IL20RB: variants seen among roughly 807,000 people sequenced by gnomAD.
The protein encoded by IL20RB is interleukin-20 receptor subunit beta.
A neutral mutation model predicts 33.3 loss-of-function variants in IL20RB; 21 were observed. The observed-to-expected ratio is 0.63, with a 90% CI of 0.45 to 0.91. IL20RB has a LOEUF of 0.91. IL20RB is among the 40% of genes least tolerant of loss of function. The pLI, the probability that IL20RB is intolerant of heterozygous loss-of-function variation, is 0.00. For missense variants in IL20RB, 345 were observed against 384.8 expected (o/e 0.90, Z 0.86); for synonymous variants, 147 against 146.8 (o/e 1.00, Z -0.01).
At chr3:136,996,422 G>A (rs1942128713) in intron 6 of IL20RB, among the ~76,000 whole-genome samples, 1 of 152,164 alleles carries the variant, frequency 6.6e-6, no homozygotes, top group African/African-American at 2.4e-5. Flanking sequence ...CTGGGAAGAG[G>A]GAGCCAGTGT....
Position 136,989,514 on chromosome 3 carries a change from G to C in IL20RB, c.480G>C (p.Gly160=). The part of the protein sequence containing the change: ...FHLVIELEDL[G]PQFEFLVAYW... The stretch of plus-strand genomic sequence containing the variant: ...TGGTTATTGAGCTGGAGGACCTGGG[G>C]CCCCAGTTTGAGTTCCTTGTGGCCT... Residue 160 remains glycine, a synonymous_variant, in exon 4 of 7, where the codon GGG becomes GGC. Transcript: ENST00000329582. 2 of 1,614,064 alleles carry C rather than the reference G, an allele frequency of 1.2e-6. No homozygotes were observed.
intron 5 of IL20RB, among the ~76,000 whole-genome samples, chr3:136,994,754 C>G (rs1016128512): frequency 2.6e-5 from 4 of 152,170 alleles, no homozygotes; most frequent in African/African-American, 9.7e-5. Context: ...TGGAGCCAGT[C>G]CTACCTGGGT....
chr3:136,995,055 T>A (rs1577029091), intron 5 of IL20RB, among the ~76,000 whole-genome samples: 1 of 152,226 alleles, frequency 6.6e-6, no homozygotes, highest in African/African-American at 2.4e-5. Context: ...TCTCTTTCAA[T>A]ACCTCCCCCT....
At position 136,958,168 on chromosome 3, in the gene IL20RB, T is replaced by C; in HGVS notation, c.55T>C (p.Phe19Leu). ...AATCTGGACAAGTCTTTTCATGTGG[T>C]TTTTCTACGCATTGATTCCATGTTT... ...EEIWTSLFMWFFYALIPCLLT... is the reference protein window; with the variant it reads ...EEIWTSLFMWLFYALIPCLLT... Residue 19 changes from phenylalanine (F) to leucine (L), a missense_variant, in exon 1 of 7, where the codon TTT becomes CTT. By Grantham distance (22) the Phe-to-Leu change is conservative. Coordinates refer to ENST00000329582, the MANE Select transcript of IL20RB (RefSeq NM_144717.4). 1 of 1,611,440 alleles carries C rather than the reference T, an allele frequency of 6.2e-7. No individual in the cohort carries two copies. The highest frequency in any genetic ancestry group is 8.5e-7 in the Non-Finnish European group (1 of 1,177,652).
chr3:137,002,374 A>G (rs1942263336), intron 6 of IL20RB, among the ~76,000 whole-genome samples: 1 of 152,208 alleles, frequency 6.6e-6, no homozygotes, highest in Admixed American at 6.5e-5. Context: ...TGGTTGAACT[A>G]ATTTACACTC....
At chr3:137,000,778 G>T (rs1157147191) in intron 6 of IL20RB, among the ~76,000 whole-genome samples, 1 of 152,164 alleles carries the variant, frequency 6.6e-6, no homozygotes, top group African/African-American at 2.4e-5. Flanking sequence ...CCTCAGCTGG[G>T]CTCCATCAGA....
At chr3:136,963,446 CA>C (rs1156775664) in intron 1 of IL20RB, among the ~76,000 whole-genome samples, 1 of 152,166 alleles carries the variant, frequency 6.6e-6, no homozygotes, top group African/African-American at 2.4e-5. Flanking sequence ...TCCTTGCCAG[CA>C]TTTAGTTTTG....
chr3:136,989,694 C>A, intron 4 of IL20RB, 129 bp downstream of exon 4: 1 of 999,592 alleles, frequency 1.0e-6, no homozygotes, highest in Non-Finnish European at 1.5e-6. Flanking sequence ...GTGAAGTGTG[C>A]AAAAGATGAG....
intron 2 of IL20RB, among the ~76,000 whole-genome samples, 174 bp downstream of exon 2, chr3:136,980,766 G>T (rs569402102): frequency 6.6e-6 from 1 of 152,222 alleles, no homozygotes; most frequent in Admixed American, 6.5e-5. Flanking sequence ...AAGGGAAATT[G>T]TTCTGTGGAT....
intron 6 of IL20RB, among the ~76,000 whole-genome samples, chr3:137,006,932 G>T (rs1577036290): frequency 6.6e-6 from 1 of 152,156 alleles, no homozygotes; most frequent in East Asian, 1.9e-4. Flanking sequence ...TCTTGATGTT[G>T]GTGACTAGAG....
chr3:136,997,206 C>T (rs549764072), intron 6 of IL20RB, among the ~76,000 whole-genome samples: 1 of 152,060 alleles, frequency 6.6e-6, no homozygotes, highest in Non-Finnish European at 1.5e-5. Context: ...TCAAGCAATT[C>T]TCCTGCCTCC....
rs1306441151 is a variant in IL20RB at position 137,010,817 on chromosome 3, G to A, written c.*594G>A. 6.6e-6 allele frequency: 1 copy of A among 152,306 alleles called. No homozygotes were observed. Among genetic ancestry groups the A allele is most frequent in the African/African-American group, 2.4e-5 (1 of 41,442 alleles). The allele number at this position is 152,306 out of a possible 1,614,324, so 9.4% of individuals were successfully genotyped here. A position where few individuals can be genotyped will look rare whatever the true frequency, so the allele number is the denominator to read the frequency against. On this transcript the variant is annotated 3_prime_UTR_variant, in exon 7 of 7. Transcript: ENST00000329582. Reference sequence around the variant, plus strand: ...GCCCAATGCCGGTGCAGAGGGGAATGGCTTAGCGAGCTCTACAGTAGGTGA... The same window carrying A: ...GCCCAATGCCGGTGCAGAGGGGAATAGCTTAGCGAGCTCTACAGTAGGTGA...
intron 6 of IL20RB, among the ~76,000 whole-genome samples, chr3:136,995,797 T>C (rs1316199751): frequency 6.6e-6 from 1 of 152,180 alleles, no homozygotes; most frequent in Non-Finnish European, 1.5e-5. Flanking sequence ...TCCCAGGACC[T>C]GGGATGGCAA....
rs533299737 is a variant in IL20RB at position 136,980,484 on chromosome 3, C to T, written c.107C>T (p.Pro36Leu). ...ATCCTAGATGAAGTGGCCATTCTGC[C>T]TGCCCCTCAGAACCTCTCTGTACTC... ...CLLTDEVAIL[P>L]APQNLSVLST... Residue 36 changes from proline to leucine, a missense_variant, in exon 2 of 7, where the codon CCT becomes CTT. Coordinates refer to ENST00000329582, the MANE Select transcript of IL20RB (RefSeq NM_144717.4). The T allele has an allele frequency of 1.9e-6, 3 of 1,614,202 alleles. No individual in the cohort carries two copies. The East Asian group carries it at 6.7e-5, about 36-fold the overall frequency.
intron 1 of IL20RB, among the ~76,000 whole-genome samples, chr3:136,964,056 G>T (rs1046439941): frequency 1.7e-5 from 1 of 58,704 alleles, no homozygotes; most frequent in African/African-American, 8.0e-5. Context: ...GTATTCCATG[G>T]TGTATATTTG....
At chr3:136,980,347 G>A in intron 1 of IL20RB, 119 bp from the exon 2 acceptor site, 5 of 1,123,668 alleles carry the variant, frequency 4.4e-6, no homozygotes, top group Non-Finnish European at 6.7e-6. Context: ...GTGCAGTGGT[G>A]CAATCTCAGC....
chr3:137,002,070 C>T (rs535394723), intron 6 of IL20RB, among the ~76,000 whole-genome samples: 2 of 152,216 alleles, frequency 1.3e-5, no homozygotes, highest in East Asian at 3.9e-4. Context: ...TGATGGTTTC[C>T]AGCTTCATCC....
At chr3:136,986,212 CAAAT>C (rs751861399) in intron 3 of IL20RB, among the ~76,000 whole-genome samples, 8,284 of 138,034 alleles carry the variant, frequency 0.06, 346 homozygotes, top group East Asian at 0.21. Context: ...GACTCCATCT[CAAAT>C]AAATAAATAA....
intron 6 of IL20RB, among the ~76,000 whole-genome samples, chr3:137,009,347 TTATAAC>T (rs1933022509): frequency 6.6e-6 from 1 of 152,084 alleles, no homozygotes; most frequent in African/African-American, 2.4e-5. Context: ...GTCTGCATGT[TTATAAC>T]TAGTAATGAT....
Sources: allele counts gnomAD v4.1 joint callset (sites outside exome capture counted in the v4.1 genomes callset), GRCh38; gene constraint gnomAD v4.1.1; transcripts MANE v1.5; gene names NCBI Gene and HGNC (gene_info 2026-07-23, HGNC 2026-07-21).